Variants in PHLPP1 observed in about 807,000 individuals in gnomAD.
The protein encoded by PHLPP1 is PH domain and leucine rich repeat protein phosphatase 1.
A neutral mutation model predicts 117.2 loss-of-function variants in PHLPP1; 42 were observed. The ratio of observed to expected loss-of-function variants is 0.36; its 90% CI spans 0.28 to 0.46. PHLPP1 has a LOEUF of 0.46. Among genes scored for constraint, PHLPP1 ranks in the 20% least tolerant of loss-of-function variants. The pLI, the probability that PHLPP1 is intolerant of heterozygous loss-of-function variation, is 1.00. For missense variants in PHLPP1, 2,084 were observed against 2,241.9 expected (o/e 0.93, Z 1.42); for synonymous variants, 1,042 against 970.7 (o/e 1.07, Z -1.37).
Position 62,715,891 on chromosome 18 carries a change from G to A in PHLPP1, c.208G>A (p.Ala70Thr). ...CGGCGGGAACGGCAGCGGCAGCGGG[G>A]CGCGGGAAGAGGCCCCAGGCGAGGC... ...PSGGNGSGSG[A>T]REEAPGEAPP... is the part of the protein sequence containing the mutation. The change falls in exon 1 of 17, where the codon GCG becomes ACG. Residue 70 changes from alanine (A) to threonine (T), a missense_variant. Coordinates refer to ENST00000262719, the MANE Select transcript of PHLPP1 (RefSeq NM_194449.4). 1.1e-6 allele frequency: 1 copy of A among 878,732 alleles called. No individual in the cohort carries two copies. Among genetic ancestry groups the A allele is most frequent in the Non-Finnish European group, 1.4e-6 (1 of 731,284 alleles). 54.4% of individuals were successfully genotyped at this position (878,732 alleles called of 1,614,324 possible).
intron 1 of PHLPP1, among the ~76,000 whole-genome samples, chr18:62,748,522 A>T (rs1911748181): frequency 6.6e-6 from 1 of 152,202 alleles, no homozygotes; most frequent in South Asian, 2.1e-4. Flanking sequence ...CTGGGATTAC[A>T]GGGGTGAGCC....
At chr18:62,920,677 A>T (rs1293636384) in intron 10 of PHLPP1, among the ~76,000 whole-genome samples, 2 of 152,088 alleles carry the variant, frequency 1.3e-5, no homozygotes, top group Non-Finnish European at 2.9e-5. Flanking sequence ...CTCCTGCCTC[A>T]GCCTCCCAAG....
chr18:62,881,455 T>G (rs78649051), intron 4 of PHLPP1, among the ~76,000 whole-genome samples: 1,533 of 152,338 alleles, frequency 0.01, 12 homozygotes, highest in Non-Finnish European at 0.017. Flanking sequence ...TTAAAAAAAT[T>G]ATAAAATTCT....
At chr18:62,755,367 T>C (rs914899433) in intron 1 of PHLPP1, among the ~76,000 whole-genome samples, 2 of 152,140 alleles carry the variant, frequency 1.3e-5, no homozygotes, top group Non-Finnish European at 2.9e-5. Context: ...TAATGATTCC[T>C]ATGGAGAAAG....
At chr18:62,971,042 G>T (rs1048686530) in intron 14 of PHLPP1, among the ~76,000 whole-genome samples, 10 of 152,134 alleles carry the variant, frequency 6.6e-5, no homozygotes, top group Non-Finnish European at 1.3e-4. Context: ...CCGTTGGTAC[G>T]TTCAAGACGT....
chr18:62,716,917 T>C lies in PHLPP1; in HGVS notation c.1234T>C (p.Ser412Pro). ...QPLPLPQTAS[S>P]PQPQQKAPRA... ...CCTCCCGCTTCCCCAGACGGCTTCC[T>C]CGCCTCAGCCGCAGCAGAAAGCCCC... The change falls in exon 1 of 17, where the codon TCG (serine) becomes CCG (proline). Residue 412 changes from serine (S) to proline (P), a missense_variant. By Grantham distance (74) the Ser-to-Pro change is moderately conservative. Transcript: ENST00000262719. The surrounding 1 kb of genome is among the most constrained non-coding windows in gnomAD (Gnocchi z 5.7). 6.5e-7 allele frequency: 1 copy of C among 1,533,048 alleles called. No homozygotes were observed. The highest frequency in any genetic ancestry group is 1.2e-5 in the South Asian group (1 of 83,758). 95.0% of individuals were successfully genotyped at this position (1,533,048 alleles called of 1,614,324 possible). A position where few individuals can be genotyped will look rare whatever the true frequency, so the allele number is the denominator to read the frequency against.
At position 62,926,133 on chromosome 18, in the gene PHLPP1, A is replaced by T. The variant is rs907650781; in HGVS notation, c.2960+6019A>T. Among the ~76,000 whole-genome samples the T allele has an allele frequency of 2.6e-5, 4 of 152,068 alleles. No individual in the cohort carries two copies. The East Asian group carries it at 7.7e-4, about 29-fold the overall frequency. On this transcript the variant is annotated intron_variant, in intron 10 of 16. Transcript: ENST00000262719. Reference sequence around the variant, plus strand: ...GTTATTACATCAAAATCAACTGACAATTTTTTCAAAACTAGAGAATCAGTC... The same window carrying T: ...GTTATTACATCAAAATCAACTGACATTTTTTTCAAAACTAGAGAATCAGTC...
Position 62,895,155 on chromosome 18 carries a change from C to A in PHLPP1, c.2211C>A (p.His737Gln). The A allele has an allele frequency of 6.2e-7, 1 of 1,613,318 alleles. No individual in the cohort carries two copies. The highest frequency in any genetic ancestry group is 8.5e-7 in the Non-Finnish European group (1 of 1,179,678). The change falls in exon 5 of 17, where the codon CAC (histidine) becomes CAA (glutamine). Residue 737 changes from histidine (H) to glutamine (Q), a missense_variant and splice_region_variant. Physicochemically the swap from His to Gln is conservative, Grantham distance 24. This residue lies in a region of PHLPP1 where 1,365 missense variants were observed against 1,605.9 expected (regional missense o/e 0.85). Transcript: ENST00000262719. ...TCCCGGCAGCCGTTGGAGTGATGCA[C>A]AAGTGTGTACTTCAAACCCCACTGG... ...RSVPAAVGVM[H>Q]NLQTFLLDGN...
At chr18:62,914,073 T>G (rs1228206450) in intron 8 of PHLPP1, among the ~76,000 whole-genome samples, 4 of 152,114 alleles carry the variant, frequency 2.6e-5, no homozygotes, top group Admixed American at 2.6e-4. Context: ...TAACTGTAAT[T>G]ACCATCTAGT....
intron 1 of PHLPP1, among the ~76,000 whole-genome samples, chr18:62,819,654 A>G (rs1434600729): frequency 6.6e-6 from 1 of 152,154 alleles, no homozygotes; most frequent in Non-Finnish European, 1.5e-5. Flanking sequence ...TTTTATTATT[A>G]TTTATTTAGA....
At chr18:62,797,043 T>C (rs1913648458) in intron 1 of PHLPP1, among the ~76,000 whole-genome samples, 1 of 152,196 alleles carries the variant, frequency 6.6e-6, no homozygotes, top group South Asian at 2.1e-4. Context: ...TATCTGATTT[T>C]ATTGAACAAT....
intron 9 of PHLPP1, among the ~76,000 whole-genome samples, chr18:62,919,685 C>G (rs770740640): frequency 6.6e-6 from 1 of 152,180 alleles, no homozygotes; most frequent in Non-Finnish European, 1.5e-5. Context: ...TGCCTTGTGA[C>G]CCTAACAAGA....
In PHLPP1 at chr18:62,941,735, C is replaced by G; in HGVS notation, c.2978C>G (p.Ala993Gly). Residue 993 changes from alanine to glycine, a missense_variant, in exon 11 of 17, where the codon GCC becomes GGC. By Grantham distance (60) the Ala-to-Gly change is moderately conservative. Transcript: ENST00000262719. Reference protein sequence around the residue: ...MKADSLRFLNASANKLESLPP... With the variant: ...MKADSLRFLNGSANKLESLPP... ...CATTGTAGCCTGAGATTCCTGAACG[C>G]CTCTGCGAACAAACTGGAAAGCCTT... 1 of 1,613,000 alleles carries G rather than the reference C, an allele frequency of 6.2e-7. No homozygotes were observed. Among genetic ancestry groups the G allele is most frequent in the African/African-American group, 1.3e-5 (1 of 75,028 alleles).
At chr18:62,964,803 GA>G (rs570073823) in intron 14 of PHLPP1, among the ~76,000 whole-genome samples, 55 of 152,124 alleles carry the variant, frequency 3.6e-4, no homozygotes, top group Non-Finnish European at 6.6e-4. Context: ...GCTCATTTCT[GA>G]ACACTAATGT....
chr18:62,871,978 T>G (rs1003770881), intron 4 of PHLPP1, among the ~76,000 whole-genome samples: 1 of 152,124 alleles, frequency 6.6e-6, no homozygotes, highest in East Asian at 1.9e-4. Flanking sequence ...ATTTATCATT[T>G]ATTAAGGATG....
At position 62,889,012 on chromosome 18, in the gene PHLPP1, A is replaced by G. The variant is rs1916350349; in HGVS notation, c.2067-5999A>G. The stretch of plus-strand genomic sequence containing the variant: ...TATCTTTCTCTGAAACAGTATTTGG[A>G]TCTGCAAATGTCCTATAATCTGACT... On this transcript the variant is annotated intron_variant, in intron 4 of 16. Transcript: ENST00000262719. 4.6e-5 allele frequency among the ~76,000 whole-genome samples: 7 copies of G among 152,290 alleles called. No homozygotes were observed. The South Asian group carries it at 1.0e-3, about 23-fold the overall frequency.
At chr18:62,826,552 G>T (rs1044044827) in intron 1 of PHLPP1, among the ~76,000 whole-genome samples, 1 of 152,094 alleles carries the variant, frequency 6.6e-6, no homozygotes, top group Non-Finnish European at 1.5e-5. Context: ...GCAATTTGGC[G>T]CAGAGAACAT....
Position 62,905,232 on chromosome 18 carries a change from C to A in PHLPP1, c.2656C>A (p.Gln886Lys). ...TTTTTTTTTCTTCCTAGAACTTGTTCAACTTGATGTTTACCCAGTTCCAAA... is the reference window on the plus strand; with the variant it reads ...TTTTTTTTTCTTCCTAGAACTTGTTAAACTTGATGTTTACCCAGTTCCAAA... ...ALYASSNELV[Q>K]LDVYPVPNYL... The change falls in exon 8 of 17, where the codon CAA becomes AAA. Residue 886 changes from glutamine (Q) to lysine (K), a missense_variant. By Grantham distance (53) the Gln-to-Lys change is moderately conservative (BLOSUM62 1). Coordinates refer to ENST00000262719, the MANE Select transcript of PHLPP1 (RefSeq NM_194449.4). 1 of 1,533,178 alleles carries A rather than the reference C, an allele frequency of 6.5e-7. No homozygotes were observed. Among genetic ancestry groups the A allele is most frequent in the South Asian group, 1.4e-5 (1 of 73,634 alleles). 95.0% of individuals were successfully genotyped at this position (1,533,178 alleles called of 1,614,324 possible).
chr18:62,905,339 T>A, intron 8 of PHLPP1, 55 bp downstream of exon 8: 1 of 922,508 alleles, frequency 1.1e-6, no homozygotes, highest in Non-Finnish European at 1.5e-6. Context: ...TATTTAGTAA[T>A]TCTGTCTGAG....
Sources: gnomAD v4.1 joint callset for allele counts (sites outside exome capture counted in the v4.1 genomes callset) on GRCh38, gnomAD v4.1.1 for gene constraint, gnomAD v4.1.1 regional missense constraint, Gnocchi (gnomAD v3.1) non-coding constraint, MANE v1.5 for transcripts, NCBI Gene and HGNC (gene_info 2026-07-23, HGNC 2026-07-21) for gene names.